Variants in RNF20 observed in about 807,000 individuals in gnomAD.
RNF20 encodes the protein ring finger protein 20, also known as E3 ubiquitin-protein ligase BRE1A.
In RNF20, 84 loss-of-function variants were observed where a neutral mutation model predicts 126.2. That is an observed-to-expected ratio of 0.67 (90% CI 0.56 to 0.80). The LOEUF (loss-of-function observed/expected upper bound fraction) is 0.80. Among genes scored for constraint, RNF20 ranks in the 30% least tolerant of loss-of-function variants. The pLI, the probability that RNF20 is intolerant of heterozygous loss-of-function variation, is 0.00. For missense variants in RNF20, 869 were observed against 1,188.2 expected (o/e 0.73, Z 3.95); for synonymous variants, 400 against 414.3 (o/e 0.97, Z 0.42).
intron 5 of RNF20, among the ~76,000 whole-genome samples, chr9:101,543,367 G>GGGCGGCACTGTCTAACCCTC (rs1827287917): frequency 3.2e-5 from 4 of 126,694 alleles, no homozygotes; most frequent in Admixed American, 1.7e-4. Context: ...GTCTAACCCT[G>GGGCGGCACTGTCTAACCCTC]CCAGGGCGGC....
At chr9:101,550,074 T>G (rs1827418228) in intron 9 of RNF20, among the ~76,000 whole-genome samples, 1 of 152,230 alleles carries the variant, frequency 6.6e-6, no homozygotes, top group African/African-American at 2.4e-5. Context: ...TCGATCATAG[T>G]CATCTCTATT....
intron 12 of RNF20, 53 bp from the exon 13 acceptor site, chr9:101,552,330 G>A (rs1056404411): frequency 1.7e-5 from 27 of 1,611,806 alleles, no homozygotes; most frequent in South Asian, 3.3e-5. Flanking sequence ...GAATGAGGTC[G>A]GCAATGTGGT....
At chr9:101,551,354 T>C (rs1021782552) in intron 10 of RNF20, among the ~76,000 whole-genome samples, 1 of 152,216 alleles carries the variant, frequency 6.6e-6, no homozygotes, top group Non-Finnish European at 1.5e-5. Context: ...TATTCATATG[T>C]TCATTTCTGT....
chr9:101,559,401 C>T (rs555005192), intron 16 of RNF20, among the ~76,000 whole-genome samples: 2 of 151,918 alleles, frequency 1.3e-5, no homozygotes, highest in South Asian at 2.1e-4. Context: ...GTTCCATATG[C>T]GTTTTAGGAT....
Position 101,546,899 on chromosome 9 carries a change from G to A in RNF20, c.827G>A (p.Trp276Ter). ...VLESMIDDLQ[W>*]DIDKIRKREQ... is the part of the protein sequence containing the mutation. Reference sequence around the variant, plus strand: ...GAGTCCATGATTGATGACCTGCAGTGGGATATTGACAAAATTCGAAAGAGG... The same window carrying A: ...GAGTCCATGATTGATGACCTGCAGTAGGATATTGACAAAATTCGAAAGAGG... The change falls in exon 7 of 20, where the codon TGG (tryptophan) becomes TAG (stop). Residue 276 changes from tryptophan (W) to a stop codon, truncating the protein, a stop_gained. Transcript: ENST00000389120. LOFTEE classifies it high-confidence loss of function. 6.2e-7 allele frequency: 1 copy of A among 1,614,130 alleles called. No individual in the cohort carries two copies. Among genetic ancestry groups the A allele is most frequent in the East Asian group, 2.2e-5 (1 of 44,882 alleles).
rs1313755472 is a variant in RNF20 at position 101,540,472 on chromosome 9, G to A, written c.298-18G>A. 8 of 1,612,846 alleles carry A rather than the reference G, an allele frequency of 5.0e-6. 1 individual carries two copies. Among genetic ancestry groups the A allele is most frequent in the East Asian group, 4.5e-5 (2 of 44,840 alleles). ...TTGTGTCCTTTGTTTCTTCATAATTGTACCTACCCTTCTCCAGTTTGATGA... is the reference window on the plus strand; with the variant it reads ...TTGTGTCCTTTGTTTCTTCATAATTATACCTACCCTTCTCCAGTTTGATGA... On this transcript the variant is annotated intron_variant, in intron 3 of 19. Coordinates refer to ENST00000389120, the MANE Select transcript of RNF20 (RefSeq NM_019592.7).
chr9:101,543,495 ACTGTCTAACC>A (rs1164809927), intron 5 of RNF20, among the ~76,000 whole-genome samples: 3 of 137,314 alleles, frequency 2.2e-5, no homozygotes, highest in African/African-American at 8.6e-5. Context: ...CCAGGGTGGC[ACTGTCTAACC>A]CTGCCACTGC....
intron 15 of RNF20, 78 bp downstream of exon 15, chr9:101,554,921 T>A: frequency 8.3e-7 from 1 of 1,203,960 alleles, no homozygotes; most frequent in Admixed American, 3.2e-5. Context: ...TGAAATTTGC[T>A]TTTTTATTTT....
chr9:101,540,232 C>G lies in RNF20; in HGVS notation c.159C>G (p.Thr53=), dbSNP rs1291850479. ...AACTAGACATTAGAACACTGCAAAC[C>G]AAAAATCGCAAGCTGGCAGAAATGT... is the stretch of plus-strand genomic sequence containing the variant. ...TEELDIRTLQ[T]KNRKLAEMLD... The change falls in exon 3 of 20, where the codon ACC becomes ACG. Residue 53 remains threonine (T), a synonymous_variant. Transcript: ENST00000389120. The G allele has an allele frequency of 3.1e-6, 5 of 1,613,914 alleles. No individual in the cohort carries two copies. The Admixed American group carries it at 8.3e-5, about 27-fold the overall frequency.
chr9:101,552,429 C>T lies in RNF20; in HGVS notation c.1577C>T (p.Thr526Ile), dbSNP rs551121884. Reference sequence around the variant, plus strand: ...GCCCTCCTGCAGTCCCAGTCTAGTACTGAGGACCCGAAGGATGAGCCTGCG... The same window carrying T: ...GCCCTCCTGCAGTCCCAGTCTAGTATTGAGGACCCGAAGGATGAGCCTGCG... The part of the protein sequence containing the change: ...GSALLQSQSS[T>I]EDPKDEPAEL... The change falls in exon 13 of 20, where the codon ACT becomes ATT. Residue 526 changes from threonine to isoleucine, a missense_variant. Transcript: ENST00000389120. 22 of 1,611,064 alleles carry T rather than the reference C, an allele frequency of 1.4e-5. No homozygotes were observed. The East Asian group carries it at 3.8e-4, about 28-fold the overall frequency.
In RNF20 at chr9:101,552,483, C is replaced by T. The variant is rs770369150; in HGVS notation, c.1631C>T (p.Ser544Phe). The T allele has an allele frequency of 6.2e-7, 1 of 1,613,914 alleles. No individual in the cohort carries two copies. Among genetic ancestry groups the T allele is most frequent in the South Asian group, 1.1e-5 (1 of 91,076 alleles). Residue 544 changes from serine (S) to phenylalanine (F), a missense_variant, in exon 13 of 20, where the codon TCC becomes TTC. By Grantham distance (155) the Ser-to-Phe change is radical (BLOSUM62 -2). Coordinates refer to ENST00000389120, the MANE Select transcript of RNF20 (RefSeq NM_019592.7). ...AELKPDSEDL[S>F]SQSSASKASQ... ...CTAAAACCAGATTCTGAGGACTTAT[C>T]CTCCCAGTCCTCAGCTTCAAAGGCA...
intron 17 of RNF20, 67 bp downstream of exon 17, chr9:101,560,993 G>A (rs2118745062): frequency 6.3e-7 from 1 of 1,597,806 alleles, no homozygotes; most frequent in Non-Finnish European, 8.5e-7. Context: ...TGTTGAGATT[G>A]TAAGTTCGCT....
At chr9:101,555,781 AT>A (rs1396046347) in intron 15 of RNF20, among the ~76,000 whole-genome samples, 1 of 150,590 alleles carries the variant, frequency 6.6e-6, no homozygotes, top group African/African-American at 2.4e-5. Context: ...GAGAAACCCC[AT>A]CACTATTAAA....
chr9:101,540,872 G>A lies in RNF20; in HGVS notation c.525G>A (p.Gln175=). The A allele has an allele frequency of 6.2e-7, 1 of 1,614,046 alleles. No individual in the cohort carries two copies. The highest frequency in any genetic ancestry group is 8.5e-7 in the Non-Finnish European group (1 of 1,179,994). Reference sequence around the variant, plus strand: ...GTGAAGAGATGGAGTCTCAGCTGCAGGAACGTGTGGAGTCTTCCCGCCGAG... The same window carrying A: ...GTGAAGAGATGGAGTCTCAGCTGCAAGAACGTGTGGAGTCTTCCCGCCGAG... ...SSSEEMESQL[Q]ERVESSRRAV... Residue 175 remains glutamine, a synonymous_variant, in exon 5 of 20, where the codon CAG becomes CAA. Transcript: ENST00000389120.
At chr9:101,537,165 A>C (rs528065965) in intron 2 of RNF20, among the ~76,000 whole-genome samples, 3 of 152,382 alleles carry the variant, frequency 2.0e-5, no homozygotes, top group South Asian at 2.1e-4. Flanking sequence ...GAAATCTGGC[A>C]GGCTGACAGG....
At position 101,552,277 on chromosome 9, in the gene RNF20, T is replaced by C. The variant is rs1161158163; in HGVS notation, c.1530+15T>C. The C allele has an allele frequency of 2.5e-6, 4 of 1,614,062 alleles. No homozygotes were observed. Among genetic ancestry groups the C allele is most frequent in the African/African-American group, 2.7e-5 (2 of 74,926 alleles). On this transcript the variant is annotated intron_variant, in intron 12 of 19. Transcript: ENST00000389120. ...ACCTGAACAAGGTAACCAGAGGGAA[T>C]AGAATAAATATCATTTGCTATTAAT...
chr9:101,535,555 A>C lies in RNF20; in HGVS notation c.129+3A>C, dbSNP rs1176474063. The C allele has an allele frequency of 6.2e-7, 1 of 1,605,844 alleles. No individual in the cohort carries two copies. The highest frequency in any genetic ancestry group is 8.5e-7 in the Non-Finnish European group (1 of 1,176,720). ...AGCTAGGAGGTGTCTCTTCAACGGTATGAGGAAACAGTGCCATGAAAGTGT... is the reference window on the plus strand; with the variant it reads ...AGCTAGGAGGTGTCTCTTCAACGGTCTGAGGAAACAGTGCCATGAAAGTGT... On this transcript the variant is annotated splice_donor_region_variant and intron_variant, in intron 2 of 19. Coordinates refer to ENST00000389120, the MANE Select transcript of RNF20 (RefSeq NM_019592.7).
chr9:101,562,097 C>A, intron 19 of RNF20, 86 bp downstream of exon 19: 1 of 1,301,990 alleles, frequency 7.7e-7, no homozygotes, highest in South Asian at 1.4e-5. Context: ...ATGATAGTAA[C>A]CAGAGAATGG....
Position 101,554,047 on chromosome 9 carries a change from C to T in RNF20, c.1961C>T (p.Pro654Leu). The T allele has an allele frequency of 6.2e-7, 1 of 1,613,652 alleles. No homozygotes were observed. Among genetic ancestry groups the T allele is most frequent in the Non-Finnish European group, 8.5e-7 (1 of 1,179,726 alleles). Residue 654 changes from proline (P) to leucine (L), a missense_variant, in exon 14 of 20, where the codon CCA (proline) becomes CTA (leucine). By Grantham distance (98) the Pro-to-Leu change is moderately conservative. This residue lies in a region of RNF20 where 231 missense variants were observed against 263.6 expected (regional missense o/e 0.88). Coordinates refer to ENST00000389120, the MANE Select transcript of RNF20 (RefSeq NM_019592.7). ...TTGCTGGATATGTACCGTTCTGCCC[C>T]AAAGGAACAGAGAGACAAAGTTCAG... ...KLLLDMYRSAPKEQRDKVQLM... is the reference protein window; with the variant it reads ...KLLLDMYRSALKEQRDKVQLM...
Sources: gnomAD v4.1 joint callset for allele counts (sites outside exome capture counted in the v4.1 genomes callset) on GRCh38, gnomAD v4.1.1 for gene constraint, gnomAD v4.1.1 regional missense constraint, MANE v1.5 for transcripts, NCBI Gene and HGNC (gene_info 2026-07-23, HGNC 2026-07-21) for gene names.